Variants in ASIC2 observed in about 807,000 individuals in gnomAD.
The protein encoded by ASIC2 is acid sensing ion channel subunit 2.
Under a neutral mutation model 57.3 loss-of-function variants are expected in ASIC2, and 25 were observed. That is an observed-to-expected ratio of 0.44 (90% CI 0.32 to 0.61). The LOEUF (loss-of-function observed/expected upper bound fraction) is 0.61, where lower values mean the gene tolerates loss of function less well. Among genes scored for constraint, ASIC2 ranks in the 20% least tolerant of loss-of-function variants. The pLI is 0.06. For synonymous variants in ASIC2, 319 were observed against 307.5 expected (o/e 1.04, Z -0.39); for missense variants, 641 against 738.1 (o/e 0.87, Z 1.52).
intron 3 of ASIC2, among the ~76,000 whole-genome samples, chr17:33,067,771 A>G (rs17735436): frequency 0.072 from 10,972 of 152,270 alleles, 550 homozygotes; most frequent in Middle Eastern, 0.13. Context: ...TTAAAAAAGA[A>G]GAGAAGTGAA....
At chr17:33,028,652 C>G (rs1728870547) in intron 3 of ASIC2, among the ~76,000 whole-genome samples, 1 of 152,152 alleles carries the variant, frequency 6.6e-6, no homozygotes. Context: ...TCTCTAGTAG[C>G]TGGGACTACA....
At chr17:33,210,959 A>AGAC (rs763473587) in intron 1 of ASIC2, among the ~76,000 whole-genome samples, 32 of 152,362 alleles carry the variant, frequency 2.1e-4, no homozygotes, top group Admixed American at 9.8e-4. Flanking sequence ...CCAGGAAGAC[A>AGAC]GACATTTGAT....
intron 1 of ASIC2, among the ~76,000 whole-genome samples, chr17:33,926,632 C>T (rs917535387): frequency 3.9e-5 from 6 of 152,290 alleles, no homozygotes; most frequent in Non-Finnish European, 7.3e-5. Flanking sequence ...TTGATGCTAC[C>T]TAAAGCAACC....
At chr17:33,401,870 G>A (rs1015295277) in intron 1 of ASIC2, among the ~76,000 whole-genome samples, 2 of 152,156 alleles carry the variant, frequency 1.3e-5, no homozygotes, top group Non-Finnish European at 2.9e-5. Context: ...GTAACAAAAG[G>A]AAATTAAGTT....
chr17:33,195,044 G>A (rs1411545508), intron 1 of ASIC2, among the ~76,000 whole-genome samples: 4 of 152,192 alleles, frequency 2.6e-5, no homozygotes, highest in Admixed American at 6.5e-5. Context: ...GTAGAAAGAC[G>A]GGTGTGGGAA....
At chr17:33,043,542 C>G (rs902484140) in intron 3 of ASIC2, among the ~76,000 whole-genome samples, 2 of 152,194 alleles carry the variant, frequency 1.3e-5, no homozygotes, top group African/African-American at 4.8e-5. Context: ...ATCACAGACA[C>G]TGTCTTAGAA....
intron 1 of ASIC2, among the ~76,000 whole-genome samples, chr17:34,126,421 T>C (rs1353336368): frequency 6.6e-6 from 1 of 152,182 alleles, no homozygotes; most frequent in African/African-American, 2.4e-5. Flanking sequence ...GTGAGATCTA[T>C]GCCTGCTTTT....
chr17:34,016,209 G>T (rs1906947675), intron 1 of ASIC2, among the ~76,000 whole-genome samples: 1 of 152,056 alleles, frequency 6.6e-6, no homozygotes, highest in Non-Finnish European at 1.5e-5. Flanking sequence ...TGGATCACCA[G>T]GTCAGGAGAT....
chr17:33,872,951 G>C (rs1379672775), intron 1 of ASIC2, among the ~76,000 whole-genome samples: 1 of 152,186 alleles, frequency 6.6e-6, no homozygotes, highest in Non-Finnish European at 1.5e-5. Flanking sequence ...CAAGGGGAAA[G>C]GTGGGGACTG....
At chr17:34,048,704 A>G (rs1908427957) in intron 1 of ASIC2, among the ~76,000 whole-genome samples, 2 of 152,200 alleles carry the variant, frequency 1.3e-5, no homozygotes, top group Admixed American at 1.3e-4. Flanking sequence ...CCAGCTCACA[A>G]GAATTGTGTA....
At chr17:33,694,219 A>G in intron 1 of ASIC2, among the ~76,000 whole-genome samples, 1 of 152,268 alleles carries the variant, frequency 6.6e-6, no homozygotes, top group African/African-American at 2.4e-5. Context: ...AACGTTTAAA[A>G]CTTCAACCTG....
intron 1 of ASIC2, among the ~76,000 whole-genome samples, chr17:33,820,660 T>G (rs1315385313): frequency 2.0e-5 from 3 of 152,188 alleles, no homozygotes; most frequent in Non-Finnish European, 4.4e-5. Context: ...AAATAAAACT[T>G]TAATAATGGA....
At chr17:33,547,071 T>C (rs1915600856) in intron 1 of ASIC2, among the ~76,000 whole-genome samples, 1 of 152,202 alleles carries the variant, frequency 6.6e-6, no homozygotes, top group South Asian at 2.1e-4. Flanking sequence ...TGCCAGGCCC[T>C]ACCTCCAATA....
chr17:33,215,267 A>T (rs1907431610), intron 1 of ASIC2, among the ~76,000 whole-genome samples: 2 of 152,232 alleles, frequency 1.3e-5, no homozygotes, highest in South Asian at 4.1e-4. Flanking sequence ...CTGATTGGAA[A>T]ACAGATGGCA....
chr17:33,441,219 T>C (rs1911812413), intron 1 of ASIC2, among the ~76,000 whole-genome samples: 1 of 152,160 alleles, frequency 6.6e-6, no homozygotes, highest in African/African-American at 2.4e-5. Flanking sequence ...CAAGTGGTCC[T>C]CCCACCTCAG....
At chr17:33,860,081 C>A (rs1167598556) in intron 1 of ASIC2, among the ~76,000 whole-genome samples, 2 of 152,104 alleles carry the variant, frequency 1.3e-5, no homozygotes, top group African/African-American at 4.8e-5. Context: ...CTGTCACCCA[C>A]CAGATGGGTG....
At chr17:33,749,646 C>T (rs1910369912) in intron 1 of ASIC2, among the ~76,000 whole-genome samples, 1 of 152,202 alleles carries the variant, frequency 6.6e-6, no homozygotes, top group South Asian at 2.1e-4. Context: ...TTGTCATGCC[C>T]ACCAGACTGT....
At chr17:33,894,102 C>A (rs540338770) in intron 1 of ASIC2, among the ~76,000 whole-genome samples, 1 of 152,230 alleles carries the variant, frequency 6.6e-6, no homozygotes, top group South Asian at 2.1e-4. Flanking sequence ...TTTATTTTTG[C>A]TGGGGAATGG....
intron 1 of ASIC2, among the ~76,000 whole-genome samples, chr17:33,146,048 AG>A (rs1469310660): frequency 6.6e-6 from 1 of 152,232 alleles, no homozygotes; most frequent in African/African-American, 2.4e-5. Context: ...CCGCTATCTT[AG>A]TCACTTGAGC....
Sources: gnomAD v4.1 joint callset for allele counts (sites outside exome capture counted in the v4.1 genomes callset) on GRCh38, gnomAD v4.1.1 for gene constraint, MANE v1.5 for transcripts, NCBI Gene and HGNC (gene_info 2026-07-23, HGNC 2026-07-21) for gene names.